Variants in UMPS observed in about 807,000 individuals in gnomAD.
The protein encoded by UMPS is uridine 5'-monophosphate synthase.
Under a neutral mutation model 38.9 loss-of-function variants are expected in UMPS, and 21 were observed. That is an observed-to-expected ratio of 0.54 (90% CI 0.38 to 0.78). UMPS has a LOEUF of 0.78. UMPS is among the 30% of genes least tolerant of loss of function. UMPS has a pLI of 0.00. For synonymous variants in UMPS, 208 were observed against 219.3 expected, an observed-to-expected ratio of 0.95 and a Z score of 0.45; for missense variants, 533 against 591.6, an observed-to-expected ratio of 0.90 and a Z score of 1.03.
At chr3:124,733,318 T>G (rs1180136641) in intron 1 of UMPS, 3 of 152,246 alleles carry the variant, frequency 2.0e-5, no homozygotes, top group African/African-American at 7.2e-5. Flanking sequence ...TTGTTATAAT[T>G]TAATGATATA....
intron 4 of UMPS, 67 bp downstream of exon 4, chr3:124,740,266 C>A: frequency 1.3e-6 from 2 of 1,483,782 alleles, no homozygotes; most frequent in East Asian, 2.3e-5. Context: ...AAGAAGATAT[C>A]TCCTAATCTG....
At chr3:124,740,273 T>G in intron 4 of UMPS, 74 bp downstream of exon 4, 2 of 1,450,820 alleles carry the variant, frequency 1.4e-6, no homozygotes, top group Admixed American at 2.3e-5. Flanking sequence ...TATCTCCTAA[T>G]CTGGCGTTTC....
At chr3:124,741,845 A>G (rs1002074910) in intron 4 of UMPS, among the ~76,000 whole-genome samples, 11 of 152,134 alleles carry the variant, frequency 7.2e-5, no homozygotes, top group African/African-American at 2.7e-4. Context: ...ATCTAAGATG[A>G]CCTGTTTCAG....
At chr3:124,732,129 C>G (rs986139780) in intron 1 of UMPS, among the ~76,000 whole-genome samples, 1 of 152,112 alleles carries the variant, frequency 6.6e-6, no homozygotes, top group African/African-American at 2.4e-5. Flanking sequence ...AATGCAAATT[C>G]TTGGTGAATA....
chr3:124,745,125 T>C lies in UMPS; in HGVS notation c.*1041T>C, dbSNP rs2063586537. On this transcript the variant is annotated 3_prime_UTR_variant, in exon 6 of 6. Transcript: ENST00000232607. ...GTATTTGCTTAAGGATCCCACATAA[T>C]TGTCCCAACGGTCATTAGTAGAGGG... 1 of 454,010 alleles carries C rather than the reference T, an allele frequency of 2.2e-6. No homozygotes were observed. Among genetic ancestry groups the C allele is most frequent in the Admixed American group, 2.3e-5 (1 of 42,556 alleles). The allele number at this position is 454,010 out of a possible 1,614,324, so 28.1% of individuals were successfully genotyped here.
At chr3:124,741,294 G>C (rs2063555279) in intron 4 of UMPS, among the ~76,000 whole-genome samples, 1 of 152,098 alleles carries the variant, frequency 6.6e-6, no homozygotes, top group African/African-American at 2.4e-5. Flanking sequence ...GTGTGTCTCA[G>C]GTCTCGAAGT....
chr3:124,739,267 G>A (rs1256203699), intron 3 of UMPS, among the ~76,000 whole-genome samples: 3 of 152,180 alleles, frequency 2.0e-5, no homozygotes, highest in Non-Finnish European at 2.9e-5. Flanking sequence ...AATATTGAGC[G>A]ATAGTAAAGC....
intron 3 of UMPS, 71 bp from the exon 4 acceptor site, chr3:124,739,953 G>T: frequency 7.1e-7 from 1 of 1,408,724 alleles, no homozygotes; most frequent in Non-Finnish European, 1.0e-6. Context: ...TATTGTAGTT[G>T]GTTGGTTGGA....
In UMPS at chr3:124,745,675, A is replaced by G. The variant is rs1233760439; in HGVS notation, c.*1591A>G. 1 of 453,948 alleles carries G rather than the reference A, an allele frequency of 2.2e-6. No homozygotes were observed. The highest frequency in any genetic ancestry group is 4.4e-6 in the Non-Finnish European group (1 of 226,794). 28.1% of individuals were successfully genotyped at this position (453,948 alleles called of 1,614,324 possible). A position where few individuals can be genotyped will look rare whatever the true frequency, so the allele number is the denominator to read the frequency against. On this transcript the variant is annotated 3_prime_UTR_variant, in exon 6 of 6. Coordinates refer to ENST00000232607, the MANE Select transcript of UMPS (RefSeq NM_000373.4). ...TCAAGGAAGAAGTGGCCACAGAAGG[A>G]GCAGGAAGGGAGTTGGCCCTCAGGG...
chr3:124,745,659 A>T lies in UMPS; in HGVS notation c.*1575A>T, dbSNP rs2063591283. On this transcript the variant is annotated 3_prime_UTR_variant, in exon 6 of 6. Coordinates refer to ENST00000232607, the MANE Select transcript of UMPS (RefSeq NM_000373.4). Reference sequence around the variant, plus strand: ...TGGGAGAGACCAACTCTCAAGGAAGAAGTGGCCACAGAAGGAGCAGGAAGG... The same window carrying T: ...TGGGAGAGACCAACTCTCAAGGAAGTAGTGGCCACAGAAGGAGCAGGAAGG... The T allele has an allele frequency of 2.2e-6, 1 of 453,920 alleles. No homozygotes were observed. The highest frequency in any genetic ancestry group is 4.4e-6 in the Non-Finnish European group (1 of 226,748). The allele number at this position is 453,920 out of a possible 1,614,324, so 28.1% of individuals were successfully genotyped here. A position where few individuals can be genotyped will look rare whatever the true frequency, so the allele number is the denominator to read the frequency against.
At position 124,740,137 on chromosome 3, in the gene UMPS, C is replaced by T; in HGVS notation, c.1096C>T (p.Leu366Phe). ...EVGLPLHRGCLLIAEMSSTGS... is the reference protein window; with the variant it reads ...EVGLPLHRGCFLIAEMSSTGS... ...GGGCCTGCCTTTGCATCGGGGGTGC[C>T]TCCTTATTGCGGAAATGAGCTCCAC... Residue 366 changes from leucine to phenylalanine, a missense_variant, in exon 4 of 6, where the codon CTC becomes TTC. Leu to Phe is a conservative substitution (Grantham distance 22). Coordinates refer to ENST00000232607, the MANE Select transcript of UMPS (RefSeq NM_000373.4). 6.2e-7 allele frequency: 1 copy of T among 1,613,872 alleles called. No homozygotes were observed. Among genetic ancestry groups the T allele is most frequent in the Non-Finnish European group, 8.5e-7 (1 of 1,180,016 alleles).
chr3:124,737,327 G>A, intron 2 of UMPS: 1 of 485,138 alleles, frequency 2.1e-6, no homozygotes, highest in African/African-American at 1.9e-5. Context: ...TTTATAATGT[G>A]AAATAATTTA....
rs1264221670 is a variant in UMPS at position 124,746,535 on chromosome 3, A to T, written c.*2451A>T. On this transcript the variant is annotated 3_prime_UTR_variant, in exon 6 of 6. Coordinates refer to ENST00000232607, the MANE Select transcript of UMPS (RefSeq NM_000373.4). ...ATACAAGCGCTGTTCTTCAGCATTG[A>T]AGTATTTTGGAGGCATTAGATAGTT... The T allele has an allele frequency of 4.4e-6, 2 of 454,126 alleles. No individual in the cohort carries two copies. Among genetic ancestry groups the T allele is most frequent in the South Asian group, 3.1e-5 (2 of 64,472 alleles). The allele number at this position is 454,126 out of a possible 1,614,324, so 28.1% of individuals were successfully genotyped here. A position where few individuals can be genotyped will look rare whatever the true frequency, so the allele number is the denominator to read the frequency against.
At position 124,744,414 on chromosome 3, in the gene UMPS, T is replaced by G. The variant is rs1239903908; in HGVS notation, c.*330T>G. On this transcript the variant is annotated 3_prime_UTR_variant, in exon 6 of 6. Transcript: ENST00000232607. Reference sequence around the variant, plus strand: ...GGACTAGACTGCTTTGTTATTCTATTTATTTTTTAATTTTTTTCGAGACAG... The same window carrying G: ...GGACTAGACTGCTTTGTTATTCTATGTATTTTTTAATTTTTTTCGAGACAG... 20 of 464,460 alleles carry G rather than the reference T, an allele frequency of 4.3e-5. No homozygotes were observed. Among genetic ancestry groups the G allele is most frequent in the Non-Finnish European group, 8.5e-5 (20 of 233,934 alleles). The allele number at this position is 464,460 out of a possible 1,614,324, so 28.8% of individuals were successfully genotyped here.
At chr3:124,731,880 G>GGA (rs2063481094) in intron 1 of UMPS, among the ~76,000 whole-genome samples, 1 of 121,502 alleles carries the variant, frequency 8.2e-6, no homozygotes, top group African/African-American at 3.2e-5. Flanking sequence ...GACTGTCTCA[G>GGA]AAAAAAAAAA....
rs562018445 is a variant in UMPS at position 124,744,942 on chromosome 3, G to C, written c.*858G>C. The stretch of plus-strand genomic sequence containing the variant: ...GGTGGGGAAGGGGAAGGTGACTATA[G>C]CTCAGCTCCTGAGCTAGTATCTGGC... On this transcript the variant is annotated 3_prime_UTR_variant, in exon 6 of 6. Transcript: ENST00000232607. 218 of 454,068 alleles carry C rather than the reference G, an allele frequency of 4.8e-4. 2 individuals are homozygous for C. Among genetic ancestry groups the C allele is most frequent in the South Asian group, 3.3e-3 (214 of 64,470 alleles). The allele number at this position is 454,068 out of a possible 1,614,324, so 28.1% of individuals were successfully genotyped here.
At chr3:124,742,026 G>A (rs1037359038) in intron 4 of UMPS, 126 bp from the exon 5 acceptor site, 14 of 809,552 alleles carry the variant, frequency 1.7e-5, no homozygotes, top group Non-Finnish European at 2.2e-5. Context: ...GACCAGCCAG[G>A]GAACATAGGG....
Position 124,748,605 on chromosome 3 carries a change from G to C in UMPS, c.*4521G>C, listed in dbSNP as rs765494316. 2.2e-6 allele frequency: 1 copy of C among 454,086 alleles called. No individual in the cohort carries two copies. The highest frequency in any genetic ancestry group is 2.3e-5 in the Admixed American group (1 of 42,570). The allele number at this position is 454,086 out of a possible 1,614,324, so 28.1% of individuals were successfully genotyped here. ...GTCAGATCCTGGTGTGGGCTCTCAC[G>C]TGCTGCTGCTGAATCCCAGGGAAGG... On this transcript the variant is annotated 3_prime_UTR_variant, in exon 6 of 6. Coordinates refer to ENST00000232607, the MANE Select transcript of UMPS (RefSeq NM_000373.4).
chr3:124,735,297 A>G (rs2150894491), intron 2 of UMPS, 51 bp downstream of exon 2: 1 of 1,541,786 alleles, frequency 6.5e-7, no homozygotes. Flanking sequence ...GTAACATCAT[A>G]CTCTTAGAAT....
Sources: gnomAD v4.1 joint callset for allele counts (sites outside exome capture counted in the v4.1 genomes callset) on GRCh38, gnomAD v4.1.1 for gene constraint, MANE v1.5 for transcripts, NCBI Gene and HGNC (gene_info 2026-07-23, HGNC 2026-07-21) for gene names.